The following PROS1 variants were observed in gnomAD, a reference collection of about 807,000 sequenced individuals.
The protein encoded by PROS1 is vitamin K-dependent protein S.
A neutral mutation model predicts 75.9 loss-of-function variants in PROS1; 29 were observed. The observed-to-expected ratio is 0.38, with a 90% CI of 0.28 to 0.52. The LOEUF (loss-of-function observed/expected upper bound fraction) is 0.52. Ranked by LOEUF, PROS1 falls within the 20% of genes least tolerant of loss-of-function variation. The pLI, the probability that PROS1 is intolerant of heterozygous loss-of-function variation, is 0.83. For synonymous variants in PROS1, 245 were observed against 280.6 expected, an observed-to-expected ratio of 0.87 and a Z score of 1.27; for missense variants, 680 against 810.3, an observed-to-expected ratio of 0.84 and a Z score of 1.95.
At position 93,876,197 on chromosome 3, in the gene PROS1, C is replaced by A. The variant is rs1202428242; in HGVS notation, c.1870+769G>T. On this transcript the variant is annotated intron_variant, in intron 14 of 14. Transcript: ENST00000394236. Reference sequence around the variant, plus strand: ...ATCTGTAAAATGGGGATAATAATAGCACTTACCTCACTGGACTATTTTGAA... The same window carrying A: ...ATCTGTAAAATGGGGATAATAATAGAACTTACCTCACTGGACTATTTTGAA... Among the ~76,000 whole-genome samples the A allele has an allele frequency of 1.3e-5, 2 of 152,174 alleles. 1 individual carries two copies. The highest frequency in any genetic ancestry group is 1.3e-4 in the Admixed American group (2 of 15,274).
intron 4 of PROS1, among the ~76,000 whole-genome samples, chr3:93,906,751 C>T (rs1274304133): frequency 6.6e-6 from 1 of 152,234 alleles, no homozygotes; most frequent in Non-Finnish European, 1.5e-5. Context: ...CTGCCCACCA[C>T]AGGCTCAGAA....
intron 6 of PROS1, among the ~76,000 whole-genome samples, chr3:93,902,445 G>A (rs1269413987): frequency 2.0e-5 from 3 of 152,176 alleles, no homozygotes; most frequent in African/African-American, 2.4e-5. Flanking sequence ...GACATCTAAT[G>A]TCTGACTGAA....
chr3:93,960,532 CTTTTTTTTTTTTTTTTT>C (rs774875701), intron 1 of PROS1, among the ~76,000 whole-genome samples: 1 of 50,118 alleles, frequency 2.0e-5, no homozygotes, highest in East Asian at 5.6e-4. Flanking sequence ...CTCCATTGCT[CTTTTTTTTTTTTTTTTT>C]TTTTTTTTTT....
chr3:93,970,978 C>T (rs984361460), intron 1 of PROS1, among the ~76,000 whole-genome samples: 4 of 152,064 alleles, frequency 2.6e-5, no homozygotes, highest in African/African-American at 4.8e-5. Flanking sequence ...CACTGCACTC[C>T]GGTCTGGGCA....
intron 1 of PROS1, among the ~76,000 whole-genome samples, chr3:93,962,261 G>A (rs1445771121): frequency 1.3e-5 from 2 of 151,176 alleles, no homozygotes; most frequent in Non-Finnish European, 3.0e-5. Context: ...TCACGAGATT[G>A]AGATGAATAG....
At chr3:93,935,572 A>T (rs1709170426) in intron 1 of PROS1, among the ~76,000 whole-genome samples, 1 of 152,138 alleles carries the variant, frequency 6.6e-6, no homozygotes, top group African/African-American at 2.4e-5. Flanking sequence ...ATATCGCCCT[A>T]CTTGCAATAG....
intron 3 of PROS1, among the ~76,000 whole-genome samples, chr3:93,912,727 C>A (rs1056800462): frequency 5.9e-5 from 9 of 152,160 alleles, no homozygotes; most frequent in African/African-American, 2.2e-4. Context: ...CATCCCACAG[C>A]AGATGGCAAA....
chr3:93,972,768 G>C (rs1411754537), intron 1 of PROS1, among the ~76,000 whole-genome samples: 2 of 152,024 alleles, frequency 1.3e-5, no homozygotes, highest in Non-Finnish European at 2.9e-5. Flanking sequence ...AGTATCACTT[G>C]AAGCCGGGGG....
At chr3:93,924,342 T>C (rs1708986497) in intron 2 of PROS1, 78 bp from the exon 3 acceptor site, 1 of 860,714 alleles carries the variant, frequency 1.2e-6, no homozygotes, top group African/African-American at 1.7e-5. Context: ...TTATAATGTG[T>C]TTTTATATTA....
chr3:93,895,722 A>G lies in PROS1; in HGVS notation c.965+854T>C, dbSNP rs140580291. ...AAAATCTGATAACTGAAGTACAATT[A>G]TGGCAGATCACCTGAGGTGATCACC... is the stretch of plus-strand genomic sequence containing the variant. On this transcript the variant is annotated intron_variant, in intron 9 of 14. Coordinates refer to ENST00000394236, the MANE Select transcript of PROS1 (RefSeq NM_000313.4). Among the ~76,000 whole-genome samples the G allele has an allele frequency of 3.0e-3, 464 of 152,230 alleles. 4 individuals are homozygous for G. The highest frequency in any genetic ancestry group is 0.011 in the African/African-American group (442 of 41,536).
At chr3:93,911,519 T>C (rs1394452150) in intron 3 of PROS1, among the ~76,000 whole-genome samples, 3 of 152,192 alleles carry the variant, frequency 2.0e-5, no homozygotes, top group Admixed American at 6.5e-5. Context: ...ATTGTATTTT[T>C]CTCATGATTT....
chr3:93,898,365 C>G, intron 8 of PROS1, 83 bp downstream of exon 8: 1 of 1,503,464 alleles, frequency 6.7e-7, no homozygotes, highest in Non-Finnish European at 9.2e-7. Context: ...CTGTATTTTC[C>G]TGACTTAGCT....
intron 1 of PROS1, among the ~76,000 whole-genome samples, chr3:93,950,204 C>T (rs749448265): frequency 2.0e-5 from 3 of 152,122 alleles, no homozygotes; most frequent in Non-Finnish European, 2.9e-5. Context: ...CTGGGTGGAG[C>T]CCATGGCAGA....
intron 1 of PROS1, among the ~76,000 whole-genome samples, chr3:93,952,853 G>T (rs1709527138): frequency 6.6e-6 from 1 of 152,104 alleles, no homozygotes; most frequent in African/African-American, 2.4e-5. Flanking sequence ...AAGAAGAAAA[G>T]AGAGAAGAAT....
At chr3:93,971,452 C>T (rs1709880403) in intron 1 of PROS1, among the ~76,000 whole-genome samples, 1 of 151,316 alleles carries the variant, frequency 6.6e-6, no homozygotes, top group African/African-American at 2.4e-5. Flanking sequence ...ATTTACAGCT[C>T]TAATTATATC....
intron 10 of PROS1, 39 bp from the exon 11 acceptor site, chr3:93,886,542 T>C (rs1292500222): frequency 6.8e-7 from 1 of 1,465,862 alleles, no homozygotes; most frequent in African/African-American, 1.4e-5. Flanking sequence ...AACCAAGTAT[T>C]ACTACATGTC....
In PROS1 at chr3:93,874,126, A is replaced by G. The variant is rs886058924; in HGVS notation, c.*119T>C. 2.3e-4 allele frequency: 279 copies of G among 1,192,510 alleles called. No homozygotes were observed. The highest frequency in any genetic ancestry group is 4.3e-4 in the Admixed American group (19 of 43,708). 73.9% of individuals were successfully genotyped at this position (1,192,510 alleles called of 1,614,324 possible). A position where few individuals can be genotyped will look rare whatever the true frequency, so the allele number is the denominator to read the frequency against. On this transcript the variant is annotated 3_prime_UTR_variant, in exon 15 of 15. Transcript: ENST00000394236. ...TGACAAAGGACCTTTTAAAAATCCC[A>G]GGAAAGGACCACAAAATAATCAAAG...
chr3:93,953,071 A>G (rs1175675336), intron 1 of PROS1, among the ~76,000 whole-genome samples: 1 of 152,216 alleles, frequency 6.6e-6, no homozygotes, highest in East Asian at 1.9e-4. Context: ...AGGCTCTGAA[A>G]TTGAGGCAAT....
chr3:93,969,379 T>C (rs1399792937), intron 1 of PROS1, among the ~76,000 whole-genome samples: 3 of 152,188 alleles, frequency 2.0e-5, no homozygotes, highest in African/African-American at 7.2e-5. Flanking sequence ...AGGGCAAGTG[T>C]ATTTGTTAGA....
Sources: gnomAD v4.1 joint callset for allele counts (sites outside exome capture counted in the v4.1 genomes callset) on GRCh38, gnomAD v4.1.1 for gene constraint, MANE v1.5 for transcripts, NCBI Gene and HGNC (gene_info 2026-07-23, HGNC 2026-07-21) for gene names.